Variants in ZNF721 observed in about 807,000 individuals in gnomAD.
ZNF721 encodes the protein zinc finger protein 721.
In ZNF721, 2 loss-of-function variants were observed where a neutral mutation model predicts 2.4. The observed-to-expected ratio is 0.82, with a 90% confidence interval of 0.34 to 2.58. ZNF721 has a LOEUF of 2.58. Among genes scored for constraint, ZNF721 ranks in the 30% most tolerant of loss-of-function variants. ZNF721 has a pLI of 0.11. For synonymous variants in ZNF721, 398 were observed against 381.8 expected (o/e 1.04, Z -0.50); for missense variants, 1,187 against 1,085.5 (o/e 1.09, Z -1.31).
At chr4:497,225 G>GT (rs1446233052) in intron 1 of ZNF721, among the ~76,000 whole-genome samples, 3 of 151,884 alleles carry the variant, frequency 2.0e-5, no homozygotes, top group Admixed American at 6.6e-5. Context: ...CAAAAAAGGA[G>GT]TTTTTTAACA....
intron 2 of ZNF721, among the ~76,000 whole-genome samples, chr4:471,645 T>C (rs2108711562): frequency 6.6e-6 from 1 of 152,238 alleles, no homozygotes; most frequent in East Asian, 1.9e-4. Flanking sequence ...CTAATGCTAA[T>C]GTACATTAGC....
At chr4:449,235 C>T (rs11732920) in intron 2 of ZNF721, among the ~76,000 whole-genome samples, 1 of 151,858 alleles carries the variant, frequency 6.6e-6, no homozygotes, top group African/African-American at 2.4e-5. Flanking sequence ...AAAATAATAT[C>T]TAAAAGAGAT....
At chr4:462,137 A>G (rs1715090788) in intron 2 of ZNF721, among the ~76,000 whole-genome samples, 1 of 152,208 alleles carries the variant, frequency 6.6e-6, no homozygotes, top group Admixed American at 6.5e-5. Context: ...CCAAATCATG[A>G]GTGAACTCCC....
At chr4:485,313 T>C (rs1553870099) in intron 1 of ZNF721, among the ~76,000 whole-genome samples, 2 of 152,126 alleles carry the variant, frequency 1.3e-5, no homozygotes, top group African/African-American at 4.8e-5. Flanking sequence ...GTAAATATCA[T>C]GGTTTCAGTT....
At chr4:470,783 G>T (rs941343297) in intron 2 of ZNF721, among the ~76,000 whole-genome samples, 1 of 152,076 alleles carries the variant, frequency 6.6e-6, no homozygotes, top group Admixed American at 6.6e-5. Context: ...AGCAATTTGG[G>T]AGGCCAAGAG....
At chr4:499,025 TC>T (rs1212078639) in intron 1 of ZNF721, 30 bp downstream of exon 1, 1 of 415,120 alleles carries the variant, frequency 2.4e-6, no homozygotes, top group African/African-American at 2.1e-5. Flanking sequence ...CACCCTGCCT[TC>T]CAAATTAAAA....
intron 2 of ZNF721, among the ~76,000 whole-genome samples, chr4:454,753 C>T (rs184609430): frequency 5.3e-5 from 8 of 152,330 alleles, no homozygotes; most frequent in Middle Eastern, 3.4e-3. Context: ...ACACAAACAA[C>T]GGTCACCAAA....
chr4:473,641 C>G (rs1332131590), intron 1 of ZNF721, among the ~76,000 whole-genome samples: 4 of 152,212 alleles, frequency 2.6e-5, no homozygotes, highest in Non-Finnish European at 5.9e-5. Context: ...CGATCTCATT[C>G]CGTAAAGTAG....
chr4:442,240 A>G lies in ZNF721; in HGVS notation c.2227T>C (p.Tyr743His), dbSNP rs1553863303. 1.2e-6 allele frequency: 2 copies of G among 1,613,188 alleles called. No individual in the cohort carries two copies. The highest frequency in any genetic ancestry group is 1.1e-5 in the South Asian group (1 of 91,030). Residue 743 changes from tyrosine (Y) to histidine (H), a missense_variant, in exon 3 of 3, where the codon TAT becomes CAT. Coordinates refer to ENST00000511833, the MANE Select transcript of ZNF721 (RefSeq NM_133474.4). ...TTATCTCCAGTATGAATTTTCTTATATTCGTTCAGGTTTGTGGACCATCCA... is the reference window on the plus strand; with the variant it reads ...TTATCTCCAGTATGAATTTTCTTATGTTCGTTCAGGTTTGTGGACCATCCA... ...SFGWSTNLNE[Y>H]KKIHTGDKLY...
In ZNF721 at chr4:441,569, G is replaced by T; in HGVS notation, c.*126C>A. ...TTCTCTTCATTATGAATTATCTTAT[G>T]ATTAGAAAGGATTGAGGAGCATTTA... On this transcript the variant is annotated 3_prime_UTR_variant, in exon 3 of 3. Transcript: ENST00000511833. The T allele has an allele frequency of 1.3e-6, 1 of 762,214 alleles. No homozygotes were observed. The highest frequency in any genetic ancestry group is 2.1e-6 in the Non-Finnish European group (1 of 486,928). 47.2% of individuals were successfully genotyped at this position (762,214 alleles called of 1,614,324 possible). A position where few individuals can be genotyped will look rare whatever the true frequency, so the allele number is the denominator to read the frequency against.
At chr4:451,115 T>C in intron 2 of ZNF721, among the ~76,000 whole-genome samples, 1 of 151,552 alleles carries the variant, frequency 6.6e-6, no homozygotes, top group East Asian at 1.9e-4. Flanking sequence ...ATCAGATTTT[T>C]AAAATGTGAC....
chr4:470,636 C>T (rs1308167938), intron 2 of ZNF721, among the ~76,000 whole-genome samples: 2 of 152,022 alleles, frequency 1.3e-5, no homozygotes, highest in Non-Finnish European at 2.9e-5. Context: ...ATCGCTTGAA[C>T]CCAGGAGGCA....
At chr4:458,529 T>C (rs1714914030) in intron 2 of ZNF721, among the ~76,000 whole-genome samples, 1 of 152,236 alleles carries the variant, frequency 6.6e-6, no homozygotes, top group African/African-American at 2.4e-5. Flanking sequence ...AAACTAAAAA[T>C]GCTCCAGGAA....
intron 1 of ZNF721, among the ~76,000 whole-genome samples, chr4:484,923 GT>G (rs1553870029): frequency 6.6e-6 from 1 of 152,142 alleles, no homozygotes; most frequent in Admixed American, 6.5e-5. Context: ...AAACTTGCTG[GT>G]TTTTGCGGCT....
intron 2 of ZNF721, among the ~76,000 whole-genome samples, chr4:453,299 C>T (rs1476558853): frequency 6.6e-6 from 1 of 152,208 alleles, no homozygotes; most frequent in African/African-American, 2.4e-5. Flanking sequence ...GATGGTCTTA[C>T]TACCTGGTTG....
At chr4:483,369 G>A (rs1389675472) in intron 1 of ZNF721, among the ~76,000 whole-genome samples, 1 of 152,046 alleles carries the variant, frequency 6.6e-6, no homozygotes, top group Admixed American at 6.6e-5. Context: ...CCAATATGGT[G>A]AAACCCCGTC....
rs904349723 is a variant in ZNF721 at position 443,628 on chromosome 4, A to G, written c.839T>C (p.Leu280Ser). Residue 280 changes from leucine (L) to serine (S), a missense_variant, in exon 3 of 3, where the codon TTA (leucine) becomes TCA (serine). Physicochemically the swap from Leu to Ser is moderately radical, Grantham distance 145. Coordinates refer to ENST00000511833, the MANE Select transcript of ZNF721 (RefSeq NM_133474.4). ...IHTGEKPFKC[L>S]ECGKAFNIST... ...AATATTAAAGGCTTTACCACATTCT[A>G]AACATTTAAAGGGTTTCTCGCCAGT... The G allele has an allele frequency of 1.7e-5, 28 of 1,613,610 alleles. No individual in the cohort carries two copies. The highest frequency in any genetic ancestry group is 2.3e-5 in the Non-Finnish European group (27 of 1,179,840).
At chr4:485,489 A>G (rs571613908) in intron 1 of ZNF721, among the ~76,000 whole-genome samples, 5 of 152,114 alleles carry the variant, frequency 3.3e-5, no homozygotes, top group African/African-American at 1.2e-4. Flanking sequence ...AAAGGCCACA[A>G]CTCAACAGTG....
chr4:491,542 A>G (rs993650016), intron 1 of ZNF721, among the ~76,000 whole-genome samples: 1 of 152,268 alleles, frequency 6.6e-6, no homozygotes, highest in African/African-American at 2.4e-5. Context: ...TCAAGAGCAG[A>G]CTGAAATGTT....
Sources: gnomAD v4.1 joint callset for allele counts (sites outside exome capture counted in the v4.1 genomes callset) on GRCh38, gnomAD v4.1.1 for gene constraint, MANE v1.5 for transcripts, NCBI Gene and HGNC (gene_info 2026-07-23, HGNC 2026-07-21) for gene names.